Variants in TMEM87B observed in about 807,000 individuals in gnomAD.
The protein encoded by TMEM87B is transmembrane protein 87B.
In TMEM87B, 83 loss-of-function variants were observed where a neutral mutation model predicts 80.3. The ratio of observed to expected loss-of-function variants is 1.03; its 90% CI spans 0.87 to 1.24. The LOEUF is 1.24. Ranked by LOEUF, TMEM87B falls within the 50% of genes most tolerant of loss-of-function variation. The probability of loss-of-function intolerance (pLI) is 0.00; values close to 1 mark genes in which losing one functional copy is unlikely to be tolerated. For missense variants in TMEM87B, 625 were observed against 674.4 expected (o/e 0.93, Z 0.81); for synonymous variants, 219 against 230.5 (o/e 0.95, Z 0.45).
chr2:112,084,124 G>A (rs1679076201), intron 8 of TMEM87B, among the ~76,000 whole-genome samples: 1 of 152,170 alleles, frequency 6.6e-6, no homozygotes, highest in South Asian at 2.1e-4. Flanking sequence ...TCAGATTGCA[G>A]CAGGAGCCTG....
At chr2:112,059,277 G>T (rs1285580875) in intron 1 of TMEM87B, among the ~76,000 whole-genome samples, 2 of 152,082 alleles carry the variant, frequency 1.3e-5, no homozygotes, top group Non-Finnish European at 2.9e-5. Flanking sequence ...ATTGTGGAAA[G>T]GTTGTGAAGA....
intron 4 of TMEM87B, among the ~76,000 whole-genome samples, chr2:112,071,388 G>A (rs1368082668): frequency 2.2e-5 from 3 of 138,450 alleles, no homozygotes; most frequent in Non-Finnish European, 4.6e-5. Flanking sequence ...TGCAACCTCC[G>A]CCTCCTAGGT....
chr2:112,094,733 CAAAG>C (rs1260037328), intron 11 of TMEM87B, among the ~76,000 whole-genome samples: 8 of 152,048 alleles, frequency 5.3e-5, no homozygotes, highest in Admixed American at 1.3e-4. Context: ...AGGGAATAGT[CAAAG>C]AAATCTAAAA....
At chr2:112,088,723 C>CAATTATAT (rs1679217170) in intron 9 of TMEM87B, among the ~76,000 whole-genome samples, 1 of 152,036 alleles carries the variant, frequency 6.6e-6, no homozygotes, top group Admixed American at 6.6e-5. Flanking sequence ...TTTCCCAACT[C>CAATTATAT]AATTATATTT....
chr2:112,102,599 C>T (rs764596922), intron 15 of TMEM87B, among the ~76,000 whole-genome samples: 6 of 151,894 alleles, frequency 4.0e-5, no homozygotes, highest in African/African-American at 9.7e-5. Flanking sequence ...GAGGCAGAGA[C>T]GGGAGAATTG....
intron 8 of TMEM87B, among the ~76,000 whole-genome samples, chr2:112,083,357 T>C (rs1679057040): frequency 6.6e-6 from 1 of 152,214 alleles, no homozygotes; most frequent in East Asian, 1.9e-4. Context: ...TGCTGTTTTC[T>C]GTGGTAGCCA....
chr2:112,098,565 C>A, intron 13 of TMEM87B, 30 bp from the exon 14 acceptor site: 1 of 1,599,436 alleles, frequency 6.3e-7, no homozygotes, highest in Non-Finnish European at 8.6e-7. Flanking sequence ...AGAAAATTAA[C>A]GTTTCATGCT....
chr2:112,089,690 C>G lies in TMEM87B; in HGVS notation c.1004C>G (p.Ala335Gly). ...GGGCTTCTATACTTAATCTTTGCAG[C>G]TGTTGAAGGCGTGATGAGAGTCATT... The part of the protein sequence containing the change: ...GLGLLYLIFA[A>G]VEGVMRVIGG... The change falls in exon 10 of 19, where the codon GCT becomes GGT. Residue 335 changes from alanine (A) to glycine (G), a missense_variant. By Grantham distance (60) the Ala-to-Gly change is moderately conservative. Transcript: ENST00000283206. The G allele has an allele frequency of 1.2e-6, 2 of 1,614,114 alleles. No individual in the cohort carries two copies. The highest frequency in any genetic ancestry group is 1.7e-6 in the Non-Finnish European group (2 of 1,179,998).
At chr2:112,092,294 G>T (rs1241634461) in intron 11 of TMEM87B, among the ~76,000 whole-genome samples, 1 of 152,168 alleles carries the variant, frequency 6.6e-6, no homozygotes, top group Non-Finnish European at 1.5e-5. Context: ...GGAGCAAATG[G>T]TTGAAGCAGG....
chr2:112,083,074 T>C (rs927875938), intron 8 of TMEM87B, among the ~76,000 whole-genome samples: 2 of 152,246 alleles, frequency 1.3e-5, no homozygotes, highest in African/African-American at 4.8e-5. Flanking sequence ...AGCATTGATC[T>C]TGAAGCATCA....
intron 8 of TMEM87B, among the ~76,000 whole-genome samples, chr2:112,082,279 A>T (rs909366318): frequency 1.3e-5 from 2 of 152,202 alleles, no homozygotes; most frequent in Non-Finnish European, 2.9e-5. Context: ...TGATTGATTG[A>T]CAAGGTCTTG....
intron 15 of TMEM87B, among the ~76,000 whole-genome samples, chr2:112,105,557 G>C (rs1679742745): frequency 6.6e-6 from 1 of 152,190 alleles, no homozygotes; most frequent in African/African-American, 2.4e-5. Flanking sequence ...GGTCAAATAT[G>C]AAAGAAATCT....
intron 6 of TMEM87B, among the ~76,000 whole-genome samples, chr2:112,078,032 G>A (rs1219000828): frequency 6.6e-6 from 1 of 152,192 alleles, no homozygotes; most frequent in African/African-American, 2.4e-5. Flanking sequence ...TTGCTGCAGA[G>A]GAGGCTCGGT....
chr2:112,093,148 C>A (rs1200735290), intron 11 of TMEM87B, among the ~76,000 whole-genome samples: 2 of 152,130 alleles, frequency 1.3e-5, no homozygotes, highest in African/African-American at 2.4e-5. Context: ...TCCCATTTTT[C>A]AGGTGTGCTG....
Position 112,055,283 on chromosome 2 carries a change from G to C in TMEM87B, c.-309G>C. On this transcript the variant is annotated 5_prime_UTR_variant, in exon 1 of 19. Transcript: ENST00000283206. Reference sequence around the variant, plus strand: ...GCTCCTCTTCTATCTTCACGCCCACGCTAGGCCCTGAGCCCAGCCTCCACG... The same window carrying C: ...GCTCCTCTTCTATCTTCACGCCCACCCTAGGCCCTGAGCCCAGCCTCCACG... 2.5e-6 allele frequency: 1 copy of C among 396,632 alleles called. No individual in the cohort carries two copies. The highest frequency in any genetic ancestry group is 4.5e-6 in the Non-Finnish European group (1 of 221,114). The allele number at this position is 396,632 out of a possible 1,614,324, so 24.6% of individuals were successfully genotyped here. A position where few individuals can be genotyped will look rare whatever the true frequency, so the allele number is the denominator to read the frequency against.
At position 112,078,189 on chromosome 2, in the gene TMEM87B, A is replaced by G. The variant is rs182108087; in HGVS notation, c.592+907A>G. On this transcript the variant is annotated intron_variant, in intron 6 of 18. Transcript: ENST00000283206. ...GGACCCTGATGCCATTCTGTCACCT[A>G]TCTTAGTCTGTTTGTGCTGCTATAA... Among the ~76,000 whole-genome samples the G allele has an allele frequency of 2.0e-4, 31 of 152,280 alleles. 1 individual carries two copies. In the South Asian group the frequency reaches 2.9e-3, roughly 14 times the overall value.
In TMEM87B at chr2:112,059,928, CA is replaced by C. The variant is rs199967450; in HGVS notation, c.166-41del. Reference sequence around the variant, plus strand: ...TATATGTTGTGGGGTAAAACAGTTGCAAAAAAAACTTTCTAACAAGATCTTC... The same window carrying C: ...TATATGTTGTGGGGTAAAACAGTTGCAAAAAAACTTTCTAACAAGATCTTC... On this transcript the variant is annotated intron_variant, in intron 1 of 18. Coordinates refer to ENST00000283206, the MANE Select transcript of TMEM87B (RefSeq NM_032824.3). 3,607 of 1,572,570 alleles carry C rather than the reference CA, an allele frequency of 2.3e-3. 76 individuals carry two copies. In the African/African-American group the frequency reaches 0.044, roughly 19 times the overall value.
Position 112,098,645 on chromosome 2 carries a change from G to A in TMEM87B, c.1323G>A (p.Ser441=), listed in dbSNP as rs930180701. ...ATGCATTTTGGAGCTTCCTTTTTTC[G>A]CTTATCCTTATTGTAATCATGTTTT... is the stretch of plus-strand genomic sequence containing the variant. The part of the protein sequence containing the change: ...VDDAFWSFLF[S]LILIVIMFLW... The change falls in exon 14 of 19, where the codon TCG becomes TCA. Residue 441 remains serine, a synonymous_variant. Coordinates refer to ENST00000283206, the MANE Select transcript of TMEM87B (RefSeq NM_032824.3). 25 of 1,613,860 alleles carry A rather than the reference G, an allele frequency of 1.5e-5. No homozygotes were observed. The highest frequency in any genetic ancestry group is 4.5e-5 in the East Asian group (2 of 44,868).
chr2:112,089,585 T>A (rs1187510929), intron 9 of TMEM87B, 40 bp from the exon 10 acceptor site: 2 of 1,592,374 alleles, frequency 1.3e-6, no homozygotes, highest in South Asian at 2.2e-5. Context: ...TACTCACCCA[T>A]GCTTTTTCTT....
Sources: gnomAD v4.1 joint callset for allele counts (sites outside exome capture counted in the v4.1 genomes callset) on GRCh38, gnomAD v4.1.1 for gene constraint, MANE v1.5 for transcripts, NCBI Gene and HGNC (gene_info 2026-07-23, HGNC 2026-07-21) for gene names.